The following ATG10 variants were observed in gnomAD, a reference collection of about 807,000 sequenced individuals.
ATG10 encodes the protein ubiquitin-like-conjugating enzyme ATG10.
ATG10 carries 30 observed loss-of-function variants against 32.1 expected under a neutral mutation model. The observed-to-expected ratio is 0.94, with a 90% confidence interval of 0.70 to 1.27. The LOEUF (loss-of-function observed/expected upper bound fraction) is 1.27. Ranked by LOEUF, ATG10 falls within the 50% of genes most tolerant of loss-of-function variation. The probability of loss-of-function intolerance (pLI) is 0.00; values close to 1 mark genes in which losing one functional copy is unlikely to be tolerated. For missense variants in ATG10, 233 were observed against 262.3 expected, an observed-to-expected ratio of 0.89 and a Z score of 0.77; for synonymous variants, 87 against 91.5, an observed-to-expected ratio of 0.95 and a Z score of 0.28.
At chr5:82,003,470 A>G (rs1156417663) in intron 2 of ATG10, among the ~76,000 whole-genome samples, 1 of 152,242 alleles carries the variant, frequency 6.6e-6, no homozygotes, top group Admixed American at 6.5e-5. Flanking sequence ...CAGAATGCAA[A>G]GAAATCAAAG....
intron 2 of ATG10, among the ~76,000 whole-genome samples, chr5:82,027,386 G>A (rs1304828343): frequency 6.6e-6 from 1 of 151,958 alleles, no homozygotes; most frequent in African/African-American, 2.4e-5. Flanking sequence ...GTGACAGAGT[G>A]AGACCCTGTC....
At chr5:82,209,838 C>T (rs759196618) in intron 5 of ATG10, among the ~76,000 whole-genome samples, 3 of 152,160 alleles carry the variant, frequency 2.0e-5, no homozygotes, top group Non-Finnish European at 4.4e-5. Flanking sequence ...GACCCCTTCA[C>T]CATATCTCAT....
intron 5 of ATG10, among the ~76,000 whole-genome samples, chr5:82,224,855 T>C (rs1746056831): frequency 6.6e-6 from 1 of 152,224 alleles, no homozygotes; most frequent in African/African-American, 2.4e-5. Flanking sequence ...AGGATGATAT[T>C]CCTGTCACAA....
intron 5 of ATG10, among the ~76,000 whole-genome samples, chr5:82,196,965 C>G (rs1029261426): frequency 1.3e-5 from 2 of 152,162 alleles, no homozygotes; most frequent in Non-Finnish European, 2.9e-5. Flanking sequence ...TGCACTGGAG[C>G]TATACTTCAA....
intron 2 of ATG10, among the ~76,000 whole-genome samples, chr5:82,029,400 A>G (rs2149713897): frequency 6.6e-6 from 1 of 152,360 alleles, no homozygotes; most frequent in South Asian, 2.1e-4. Flanking sequence ...CTATTATTCA[A>G]ATATGAATTT....
chr5:82,243,306 A>G (rs1013159028), intron 5 of ATG10, among the ~76,000 whole-genome samples: 4 of 152,028 alleles, frequency 2.6e-5, no homozygotes, highest in African/African-American at 2.4e-5. Context: ...AATGTCTACA[A>G]TAAGATGGAA....
intron 4 of ATG10, among the ~76,000 whole-genome samples, chr5:82,174,959 A>G (rs1376850474): frequency 6.6e-6 from 1 of 152,114 alleles, no homozygotes; most frequent in African/African-American, 2.4e-5. Flanking sequence ...AGTTTTTTTA[A>G]GGGGGTTAGA....
intron 1 of ATG10, among the ~76,000 whole-genome samples, chr5:81,986,098 T>A (rs1389994847): frequency 6.6e-6 from 1 of 151,744 alleles, no homozygotes; most frequent in Non-Finnish European, 1.5e-5. Context: ...TTAGTAGAGA[T>A]GGGGTTTCAC....
At chr5:82,185,640 A>G (rs1744419802) in intron 5 of ATG10, among the ~76,000 whole-genome samples, 1 of 152,218 alleles carries the variant, frequency 6.6e-6, no homozygotes, top group African/African-American at 2.4e-5. Context: ...TAAAAACACA[A>G]CAAAAAAAAC....
At chr5:82,091,436 A>C (rs1764881624) in intron 3 of ATG10, among the ~76,000 whole-genome samples, 1 of 152,042 alleles carries the variant, frequency 6.6e-6, no homozygotes, top group Non-Finnish European at 1.5e-5. Flanking sequence ...CATAGGGGAA[A>C]TTTTGACAAT....
chr5:82,062,320 T>C (rs1354661383), intron 3 of ATG10, among the ~76,000 whole-genome samples: 1 of 152,140 alleles, frequency 6.6e-6, no homozygotes, highest in African/African-American at 2.4e-5. Flanking sequence ...CAGTGTTTTA[T>C]TTTTAATATT....
chr5:82,157,418 C>G (rs191567622), intron 3 of ATG10, among the ~76,000 whole-genome samples: 89 of 152,006 alleles, frequency 5.9e-4, no homozygotes, highest in Admixed American at 1.5e-3. Context: ...TTTACAGTTG[C>G]TAAAAGAATT....
chr5:82,085,248 A>G lies in ATG10; in HGVS notation c.216+26646A>G, dbSNP rs570104751. ...AAGAGACAAAGAAGGCCATTACTTA[A>G]TGGTAAAGGGATCAATTCAACAAGA... On this transcript the variant is annotated intron_variant, in intron 3 of 7. Coordinates refer to ENST00000282185, the MANE Select transcript of ATG10 (RefSeq NM_031482.5). Among the ~76,000 whole-genome samples the G allele has an allele frequency of 2.6e-5, 4 of 152,254 alleles. No individual in the cohort carries two copies. In the South Asian group the frequency reaches 8.3e-4, roughly 32 times the overall value.
rs77349086 is a variant in ATG10, at chr5:82,121,941, G to GTTTTTTTTTTTTTTTTT, written c.217-42455_217-42439dup. On this transcript the variant is annotated intron_variant, in intron 3 of 7. Coordinates refer to ENST00000282185, the MANE Select transcript of ATG10 (RefSeq NM_031482.5). ...GATTTTGCATCAATATTGGCCTGAA[G>GTTTTTTTTTTTTTTTTT]TTTTTTTTTTTTTTTTTTTATGTCT... Among the ~76,000 whole-genome samples, 1,055 of 120,736 alleles carry GTTTTTTTTTTTTTTTTT rather than the reference G, an allele frequency of 8.7e-3. 18 individuals are homozygous for GTTTTTTTTTTTTTTTTT. Among genetic ancestry groups the GTTTTTTTTTTTTTTTTT allele is most frequent in the African/African-American group, 0.011 (340 of 30,388 alleles). The allele number at this position is 120,736 out of a possible 152,430, so 79.2% of individuals were successfully genotyped here.
At chr5:82,022,620 G>A (rs1762474365) in intron 2 of ATG10, among the ~76,000 whole-genome samples, 1 of 144,432 alleles carries the variant, frequency 6.9e-6, no homozygotes, top group South Asian at 2.2e-4. Flanking sequence ...ACCATGCCCA[G>A]CCAGTACTCT....
At chr5:82,144,090 TC>T (rs1206572508) in intron 3 of ATG10, among the ~76,000 whole-genome samples, 3 of 152,134 alleles carry the variant, frequency 2.0e-5, no homozygotes, top group Non-Finnish European at 4.4e-5. Flanking sequence ...ATCCATTTCA[TC>T]TTAATTGTTA....
chr5:82,228,898 T>C (rs192732873), intron 5 of ATG10, among the ~76,000 whole-genome samples: 87 of 152,312 alleles, frequency 5.7e-4, no homozygotes, highest in Non-Finnish European at 1.0e-3. Flanking sequence ...TTTTCCTGAG[T>C]ACCAGCTATA....
intron 3 of ATG10, among the ~76,000 whole-genome samples, chr5:82,069,889 A>C (rs1476760385): frequency 1.3e-5 from 2 of 152,138 alleles, no homozygotes; most frequent in Non-Finnish European, 2.9e-5. Context: ...AAAGGTTTTC[A>C]AAAGGGAGAC....
At chr5:82,203,887 T>A (rs751294422) in intron 5 of ATG10, among the ~76,000 whole-genome samples, 1 of 152,174 alleles carries the variant, frequency 6.6e-6, no homozygotes, top group Non-Finnish European at 1.5e-5. Context: ...AACACTTTTA[T>A]TGCGGTCCCA....
Sources: gnomAD v4.1 joint callset for allele counts (sites outside exome capture counted in the v4.1 genomes callset) on GRCh38, gnomAD v4.1.1 for gene constraint, MANE v1.5 for transcripts, NCBI Gene and HGNC (gene_info 2026-07-23, HGNC 2026-07-21) for gene names.